The following GCNT1 variants were observed in gnomAD, a reference collection of about 807,000 sequenced individuals.
GCNT1 encodes the protein glucosaminyl (N-acetyl) transferase 1.
In GCNT1, 16 loss-of-function variants were observed where a neutral mutation model predicts 26.2. The ratio of observed to expected loss-of-function variants is 0.61; its 90% CI spans 0.41 to 0.93. The LOEUF (loss-of-function observed/expected upper bound fraction) is 0.93. Among genes scored for constraint, GCNT1 ranks in the 40% least tolerant of loss-of-function variants. The pLI is 0.00. For synonymous variants in GCNT1, 183 were observed against 190.8 expected (o/e 0.96, Z 0.34); for missense variants, 477 against 526.7 (o/e 0.91, Z 0.92).
chr9:76,440,557 G>T (rs1053767108), upstream of GCNT1, among the ~76,000 whole-genome samples: 1 of 152,140 alleles, frequency 6.6e-6, no homozygotes, highest in African/African-American at 2.4e-5. Flanking sequence ...GCCCTGTGTG[G>T]GGCTGAGGTC....
chr9:76,424,421 C>CT (rs1823234802), intron 1 of GCNT1, among the ~76,000 whole-genome samples: 1 of 152,142 alleles, frequency 6.6e-6, no homozygotes, highest in Admixed American at 6.5e-5. Flanking sequence ...TTTAAAAGAC[C>CT]TAGGTCCATT....
upstream of GCNT1, chr9:76,419,758 G>C (rs1432076992): frequency 6.6e-6 from 1 of 152,270 alleles, no homozygotes; most frequent in Non-Finnish European, 1.5e-5. Flanking sequence ...TGACTTAACA[G>C]AATTGAATCC....
chr9:76,460,812 C>T (rs945543637), intron 2 of GCNT1, among the ~76,000 whole-genome samples: 3 of 152,132 alleles, frequency 2.0e-5, no homozygotes, highest in East Asian at 1.9e-4. Flanking sequence ...GAGGGTTTGA[C>T]GGTCACTGCC....
intron 2 of GCNT1, among the ~76,000 whole-genome samples, chr9:76,483,018 TA>T (rs1395448602): frequency 2.0e-5 from 3 of 151,984 alleles, no homozygotes; most frequent in Admixed American, 6.6e-5. Context: ...GTAAACAGTA[TA>T]AAAAAGTGAA....
At chr9:76,471,565 C>T (rs1824132575) in intron 2 of GCNT1, among the ~76,000 whole-genome samples, 1 of 152,070 alleles carries the variant, frequency 6.6e-6, no homozygotes, top group Non-Finnish European at 1.5e-5. Flanking sequence ...TTGTTGATTA[C>T]TTGTGGCAGA....
chr9:76,497,586 C>T (rs1256642766), intron 2 of GCNT1, among the ~76,000 whole-genome samples: 1 of 152,204 alleles, frequency 6.6e-6, no homozygotes, highest in African/African-American at 2.4e-5. Context: ...TTTTTCAAAG[C>T]ATGTGGGCCA....
At chr9:76,470,092 T>C (rs1031349389) in intron 2 of GCNT1, among the ~76,000 whole-genome samples, 2 of 152,144 alleles carry the variant, frequency 1.3e-5, no homozygotes, top group Admixed American at 1.3e-4. Flanking sequence ...AAGCTTTGAG[T>C]CCAAGTCCTG....
At chr9:76,429,800 C>T (rs991232210) in intron 1 of GCNT1, among the ~76,000 whole-genome samples, 3 of 151,224 alleles carry the variant, frequency 2.0e-5, no homozygotes, top group South Asian at 2.1e-4. Context: ...CTGCAAGCTC[C>T]GCCTCCCGGG....
intron 2 of GCNT1, among the ~76,000 whole-genome samples, chr9:76,482,211 T>TA (rs1346405237): frequency 6.6e-6 from 1 of 151,938 alleles, no homozygotes; most frequent in African/African-American, 2.4e-5. Flanking sequence ...GAGTTGTACT[T>TA]ACGAAAAACA....
intron 1 of GCNT1, among the ~76,000 whole-genome samples, chr9:76,447,560 G>A (rs542145133): frequency 6.6e-6 from 1 of 152,144 alleles, no homozygotes; most frequent in East Asian, 1.9e-4. Flanking sequence ...TGCCTCTTTA[G>A]TATATACCTC....
At chr9:76,471,874 G>A (rs911639415) in intron 2 of GCNT1, among the ~76,000 whole-genome samples, 7 of 152,024 alleles carry the variant, frequency 4.6e-5, no homozygotes, top group East Asian at 1.9e-4. Context: ...GACCAGTCTC[G>A]CTTTGTTGCC....
At chr9:76,488,357 C>T (rs958895339) in intron 2 of GCNT1, among the ~76,000 whole-genome samples, 2 of 152,136 alleles carry the variant, frequency 1.3e-5, no homozygotes, top group Non-Finnish European at 2.9e-5. Flanking sequence ...TCTTGTTATT[C>T]GTATGGTAGG....
chr9:76,464,918 G>A (rs1021394060), intron 2 of GCNT1, among the ~76,000 whole-genome samples: 2 of 152,116 alleles, frequency 1.3e-5, no homozygotes, highest in African/African-American at 2.4e-5. Context: ...AATTTTCCTT[G>A]TTAGGGCAGG....
chr9:76,460,920 A>G (rs2131594069), intron 2 of GCNT1, among the ~76,000 whole-genome samples: 1 of 152,296 alleles, frequency 6.6e-6, no homozygotes, highest in South Asian at 2.1e-4. Flanking sequence ...ATTATAGTTC[A>G]TTCTTGATTA....
At chr9:76,408,666 T>A in the GCNT1 span, among the ~76,000 whole-genome samples, 11 of 152,042 alleles carry the variant, frequency 7.2e-5, no homozygotes, top group Admixed American at 7.2e-4. Context: ...AGAAACCACT[T>A]CCTCCGCTTC....
At chr9:76,455,721 C>T (rs890784282), upstream of GCNT1, among the ~76,000 whole-genome samples, 1 of 152,126 alleles carries the variant, frequency 6.6e-6, no homozygotes, top group African/African-American at 2.4e-5. Flanking sequence ...CGTGCCTCAG[C>T]CTCCCCAGTA....
intron 2 of GCNT1, among the ~76,000 whole-genome samples, chr9:76,490,307 T>A (rs1824696659): frequency 6.6e-6 from 1 of 152,198 alleles, no homozygotes; most frequent in Non-Finnish European, 1.5e-5. Context: ...TATTTGGGAT[T>A]GTAGTTACTA....
At chr9:76,394,951 T>C in the GCNT1 span, among the ~76,000 whole-genome samples, 1 of 152,214 alleles carries the variant, frequency 6.6e-6, no homozygotes, top group Non-Finnish European at 1.5e-5. Flanking sequence ...CCAGGACCAC[T>C]GACCACGTTC....
chr9:76,404,187 A>G, the GCNT1 span, among the ~76,000 whole-genome samples: 224 of 152,366 alleles, frequency 1.5e-3, 1 homozygote, highest in African/African-American at 5.0e-3. Context: ...CAGTAATTAC[A>G]TATAAAATTA....
Sources: allele counts gnomAD v4.1 joint callset (sites outside exome capture counted in the v4.1 genomes callset), GRCh38; gene constraint gnomAD v4.1.1; transcripts MANE v1.5; gene names NCBI Gene and HGNC (gene_info 2026-07-23, HGNC 2026-07-21).